The following ECE1 variants were observed in gnomAD, a reference collection of about 807,000 sequenced individuals.
ECE1 encodes endothelin-converting enzyme 1.
In ECE1, 35 loss-of-function variants were observed where a neutral mutation model predicts 98.6. That is an observed-to-expected ratio of 0.35 (90% confidence interval 0.27 to 0.47). ECE1 has a LOEUF of 0.47. Ranked by LOEUF, ECE1 falls within the 20% of genes least tolerant of loss-of-function variation. ECE1 has a pLI of 1.00. For synonymous variants in ECE1, 394 were observed against 407.1 expected, an observed-to-expected ratio of 0.97 and a Z score of 0.39; for missense variants, 814 against 1,025.3, an observed-to-expected ratio of 0.79 and a Z score of 2.81.
chr1:21,338,899 C>T (rs1277725180), intron 1 of ECE1, among the ~76,000 whole-genome samples: 2 of 151,004 alleles, frequency 1.3e-5, no homozygotes, highest in Non-Finnish European at 2.9e-5. Context: ...CTGGCTGCTG[C>T]CCCAGGCCCA....
chr1:21,329,380 C>T (rs557877718), intron 1 of ECE1, among the ~76,000 whole-genome samples: 12 of 152,296 alleles, frequency 7.9e-5, no homozygotes, highest in African/African-American at 2.6e-4. Flanking sequence ...TGAGACTCAC[C>T]AGAAAGGGGC....
chr1:21,320,876 C>T (rs1638948740), intron 1 of ECE1, among the ~76,000 whole-genome samples: 1 of 152,226 alleles, frequency 6.6e-6, no homozygotes, highest in Admixed American at 6.5e-5. Context: ...CCCCTGCCTA[C>T]TGCCGAGGTG....
chr1:21,310,062 T>C (rs1181152109), intron 1 of ECE1, among the ~76,000 whole-genome samples: 3 of 152,158 alleles, frequency 2.0e-5, no homozygotes, highest in Non-Finnish European at 4.4e-5. Flanking sequence ...CCCAAAGTGC[T>C]GGGATTACAG....
chr1:21,324,963 A>C (rs1172917280), intron 1 of ECE1, among the ~76,000 whole-genome samples: 1 of 152,236 alleles, frequency 6.6e-6, no homozygotes, highest in East Asian at 1.9e-4. Flanking sequence ...AAAGAAGGAG[A>C]AAAACAGTTC....
chr1:21,261,534 G>C (rs1047506467), intron 4 of ECE1, among the ~76,000 whole-genome samples: 1 of 152,134 alleles, frequency 6.6e-6, no homozygotes, highest in African/African-American at 2.4e-5. Flanking sequence ...TTTGATGAAG[G>C]CTCTCCTAAG....
In ECE1 at chr1:21,279,625, C is replaced by T. The variant is rs181533533; in HGVS notation, c.139-293G>A. The T allele has an allele frequency of 1.0e-3, 1,452 of 1,427,772 alleles. 3 individuals carry two copies. Among genetic ancestry groups the T allele is most frequent in the Non-Finnish European group, 1.0e-3 (1,145 of 1,094,836 alleles). 88.4% of individuals were successfully genotyped at this position (1,427,772 alleles called of 1,614,324 possible). A position where few individuals can be genotyped will look rare whatever the true frequency, so the allele number is the denominator to read the frequency against. On this transcript the variant is annotated intron_variant, in intron 2 of 18. Coordinates refer to ENST00000374893, the MANE Select transcript of ECE1 (RefSeq NM_001397.3). ...GGAAGGAAAAAACTACAGCTTTTCC[C>T]TGTTTCTCCAGTGAGGAGTTCAAAA... is the stretch of plus-strand genomic sequence containing the variant.
At chr1:21,312,547 G>A (rs968154374) in intron 1 of ECE1, among the ~76,000 whole-genome samples, 8 of 152,184 alleles carry the variant, frequency 5.3e-5, no homozygotes, top group African/African-American at 1.7e-4. Flanking sequence ...GCTCAGGGAG[G>A]TCAAGGTTAC....
At chr1:21,292,873 G>A (rs1476112373), upstream of ECE1, among the ~76,000 whole-genome samples, 1 of 152,206 alleles carries the variant, frequency 6.6e-6, no homozygotes, top group Non-Finnish European at 1.5e-5. Flanking sequence ...CTGGGTGGAG[G>A]AGTTTCCATT....
chr1:21,328,563 A>G (rs1242352572), intron 1 of ECE1, among the ~76,000 whole-genome samples: 2 of 152,172 alleles, frequency 1.3e-5, no homozygotes, highest in Non-Finnish European at 2.9e-5. Flanking sequence ...GGAGTTCCAG[A>G]CCAGCCTGGC....
chr1:21,242,663 T>G (rs1558380392), intron 10 of ECE1, among the ~76,000 whole-genome samples: 1 of 152,228 alleles, frequency 6.6e-6, no homozygotes. Flanking sequence ...GGTTCCCACT[T>G]GCCCTTGCCT....
rs2098164787 is a variant in ECE1 at position 21,219,586 on chromosome 1, T to C, written c.*369A>G. On this transcript the variant is annotated 3_prime_UTR_variant, in exon 19 of 19. Coordinates refer to ENST00000374893, the MANE Select transcript of ECE1 (RefSeq NM_001397.3). The surrounding 1 kb of genome is among the most constrained non-coding windows in gnomAD (Gnocchi z 4.5). The stretch of plus-strand genomic sequence containing the variant: ...TGTTTTTCCCTGAAGATTTCCAGTG[T>C]ATTCCACAGTGTTTAAAAAATAGTT... 3.9e-6 allele frequency: 1 copy of C among 258,952 alleles called. No individual in the cohort carries two copies. The highest frequency in any genetic ancestry group is 4.6e-5 in the Admixed American group (1 of 21,900). 16.0% of individuals were successfully genotyped at this position (258,952 alleles called of 1,614,324 possible).
At chr1:21,228,927 G>GC (rs1403251794) in intron 14 of ECE1, among the ~76,000 whole-genome samples, 4 of 144,810 alleles carry the variant, frequency 2.8e-5, no homozygotes, top group Admixed American at 1.4e-4. Flanking sequence ...TGCAGCCTCC[G>GC]CCCCCCGGGG....
chr1:21,261,132 A>T (rs1425939034), intron 4 of ECE1, among the ~76,000 whole-genome samples: 2 of 152,088 alleles, frequency 1.3e-5, no homozygotes, highest in Non-Finnish European at 2.9e-5. Flanking sequence ...GACCCACTAT[A>T]TACTGGGGCT....
At chr1:21,232,122 T>C (rs960775784) in intron 14 of ECE1, among the ~76,000 whole-genome samples, 2 of 151,896 alleles carry the variant, frequency 1.3e-5, no homozygotes, top group African/African-American at 4.8e-5. Context: ...ATGAAGGAAA[T>C]AGAGATGTTT....
chr1:21,252,719 G>A (rs568147512), intron 8 of ECE1, among the ~76,000 whole-genome samples: 27 of 152,312 alleles, frequency 1.8e-4, no homozygotes, highest in Admixed American at 5.9e-4. Context: ...GAAACCTGGC[G>A]TGCTTTTCCC....
intron 17 of ECE1, among the ~76,000 whole-genome samples, chr1:21,223,165 C>T (rs941155822): frequency 1.3e-5 from 2 of 152,022 alleles, no homozygotes; most frequent in African/African-American, 2.4e-5. Context: ...TTGGTAGAGA[C>T]GGGGTTTCAC....
chr1:21,311,236 G>A (rs189771977), intron 1 of ECE1, among the ~76,000 whole-genome samples: 20 of 152,178 alleles, frequency 1.3e-4, no homozygotes, highest in Admixed American at 2.6e-4. Flanking sequence ...GGCCTGCAGG[G>A]TCACACCCCC....
At chr1:21,238,278 C>G in intron 10 of ECE1, 34 bp from the exon 11 acceptor site, 1 of 1,564,918 alleles carries the variant, frequency 6.4e-7, no homozygotes, top group Non-Finnish European at 8.8e-7. Context: ...TCGCTGGGCC[C>G]CAGCCCTTTG....
chr1:21,289,972 A>C, intron 2 of ECE1, 98 bp downstream of exon 2: 2 of 1,231,686 alleles, frequency 1.6e-6, no homozygotes, highest in Non-Finnish European at 2.0e-6. Context: ...AAGGGAGGGG[A>C]AGAGGCGGGG....
Sources: gnomAD v4.1 joint callset for allele counts (sites outside exome capture counted in the v4.1 genomes callset) on GRCh38, gnomAD v4.1.1 for gene constraint, Gnocchi (gnomAD v3.1) non-coding constraint, MANE v1.5 for transcripts, NCBI Gene and HGNC (gene_info 2026-07-23, HGNC 2026-07-21) for gene names.